ANKS6: variants seen among roughly 807,000 people sequenced by gnomAD.
ANKS6 encodes ankyrin repeat and SAM domain-containing protein 6.
ANKS6 carries 47 observed loss-of-function variants against 77.9 expected under a neutral mutation model. That is an observed-to-expected ratio of 0.60 (90% CI 0.48 to 0.77). The LOEUF (loss-of-function observed/expected upper bound fraction) is 0.77. ANKS6 is among the 30% of genes least tolerant of loss of function. ANKS6 has a pLI of 0.00. For synonymous variants in ANKS6, 488 were observed against 501.7 expected, an observed-to-expected ratio of 0.97 and a Z score of 0.37; for missense variants, 1,150 against 1,159.1, an observed-to-expected ratio of 0.99 and a Z score of 0.11.
chr9:98,747,872 G>A (rs1171520242), intron 13 of ANKS6, among the ~76,000 whole-genome samples: 1 of 152,138 alleles, frequency 6.6e-6, no homozygotes, highest in Admixed American at 6.5e-5. Context: ...CATTGTCCAG[G>A]CCCTGACTGG....
chr9:98,784,841 A>G lies in ANKS6; in HGVS notation c.898T>C (p.Leu300=). The G allele has an allele frequency of 6.2e-7, 1 of 1,613,274 alleles. No homozygotes were observed. The highest frequency in any genetic ancestry group is 1.7e-5 in the Admixed American group (1 of 59,852). ...TTTCTAAAGCGCTTACCCATTTTCAATGCATGGAAAATATCAGGTCGCCTT... is the reference window on the plus strand; with the variant it reads ...TTTCTAAAGCGCTTACCCATTTTCAGTGCATGGAAAATATCAGGTCGCCTT... ...EKRRPDIFHA[L]KMGNFQLVKE... The change falls in exon 3 of 15, where the codon TTG becomes CTG. Residue 300 remains leucine (L), a synonymous_variant. Coordinates refer to ENST00000353234, the MANE Select transcript of ANKS6 (RefSeq NM_173551.5).
In ANKS6 at chr9:98,783,803, CTT is replaced by C. The variant is rs10711864; in HGVS notation, c.1112+148_1112+149del. On this transcript the variant is annotated intron_variant, in intron 4 of 14. Transcript: ENST00000353234. ...GTGGGACTAAAATGAGCCTGTGCCG[CTT>C]TTTTTTTTTTTTTCCATGCCTCAAT... is the stretch of plus-strand genomic sequence containing the variant. The C allele has an allele frequency of 0.19, 77,389 of 405,210 alleles. 33 individuals carry two copies. Among genetic ancestry groups the C allele is most frequent in the Middle Eastern group, 0.25 (349 of 1,400 alleles). The allele number at this position is 405,210 out of a possible 1,614,324, so 25.1% of individuals were successfully genotyped here. A position where few individuals can be genotyped will look rare whatever the true frequency, so the allele number is the denominator to read the frequency against.
chr9:98,781,115 G>A (rs1294051725), intron 5 of ANKS6, among the ~76,000 whole-genome samples: 1 of 152,134 alleles, frequency 6.6e-6, no homozygotes, highest in African/African-American at 2.4e-5. Context: ...GGCCAGGCTG[G>A]TCTCGAACCC....
At chr9:98,772,702 T>C (rs930332952) in intron 9 of ANKS6, among the ~76,000 whole-genome samples, 3 of 152,166 alleles carry the variant, frequency 2.0e-5, no homozygotes, top group Non-Finnish European at 4.4e-5. Context: ...GCAAAGGCCA[T>C]AGCTCACGTT....
Position 98,777,429 on chromosome 9 carries a change from C to A in ANKS6, c.1593G>T (p.Lys531Asn). Residue 531 changes from lysine to asparagine, a missense_variant, in exon 8 of 15, where the codon AAG (lysine) becomes AAT (asparagine). Coordinates refer to ENST00000353234, the MANE Select transcript of ANKS6 (RefSeq NM_173551.5). The stretch of plus-strand genomic sequence containing the variant: ...CCATGGTTGTCAATAACGTGTCTTC[C>A]TTTTCTCCTCTTGTGCTCCCAGGAC... ...DNGPGSTRGE[K>N]EDTLLTTMLR... 6.2e-7 allele frequency: 1 copy of A among 1,614,162 alleles called. No homozygotes were observed. The highest frequency in any genetic ancestry group is 8.5e-7 in the Non-Finnish European group (1 of 1,180,034).
At chr9:98,751,854 A>T (rs1832444317) in intron 12 of ANKS6, among the ~76,000 whole-genome samples, 1 of 152,164 alleles carries the variant, frequency 6.6e-6, no homozygotes, top group Non-Finnish European at 1.5e-5. Flanking sequence ...GCCAAGGATG[A>T]AGGATCACTT....
chr9:98,784,593 G>C (rs961210634), intron 3 of ANKS6: 18 of 508,264 alleles, frequency 3.5e-5, no homozygotes, highest in African/African-American at 2.5e-4. Context: ...TGCAGGAAGA[G>C]CTAGGGCATA....
At chr9:98,784,302 G>A (rs909879342) in intron 3 of ANKS6, 145 bp from the exon 4 acceptor site, 58 of 653,170 alleles carry the variant, frequency 8.9e-5, no homozygotes, top group African/African-American at 1.9e-4. Context: ...CTAAGAGGGC[G>A]TCAGAGATAG....
Position 98,778,238 on chromosome 9 carries a change from T to G in ANKS6, c.1555A>C (p.Thr519Pro), listed in dbSNP as rs1588394802. 7 of 1,614,112 alleles carry G rather than the reference T, an allele frequency of 4.3e-6. 1 individual carries two copies. In the South Asian group the frequency reaches 7.7e-5, roughly 18 times the overall value. The change falls in exon 7 of 15, where the codon ACC (threonine) becomes CCC (proline). Residue 519 changes from threonine to proline, a missense_variant. By Grantham distance (38) the Thr-to-Pro change is conservative (BLOSUM62 -1). Coordinates refer to ENST00000353234, the MANE Select transcript of ANKS6 (RefSeq NM_173551.5). ...RSALPDAAPVTKDNGPGSTRG... is the reference protein window; with the variant it reads ...RSALPDAAPVPKDNGPGSTRG... ...AGACTTTTCTCACCATTGTCTTTGG[T>G]CACAGGGGCCGCATCAGGGAGTGCA...
Position 98,734,865 on chromosome 9 carries a change from CTT to C in ANKS6, c.*1652_*1653del, listed in dbSNP as rs369075843. 3.0e-6 allele frequency: 3 copies of C among 985,462 alleles called. No individual in the cohort carries two copies. The highest frequency in any genetic ancestry group is 1.1e-4 in the East Asian group (1 of 8,818). The allele number at this position is 985,462 out of a possible 1,614,324, so 61.0% of individuals were successfully genotyped here. On this transcript the variant is annotated 3_prime_UTR_variant, in exon 15 of 15. Transcript: ENST00000353234. ...CTATCAGTAACAGCTAAATGAAACA[CTT>C]TGTCTTCAGTCCTGTGGAAAGTTGG...
intron 12 of ANKS6, among the ~76,000 whole-genome samples, chr9:98,755,637 CA>C (rs1478598481): frequency 1.3e-5 from 2 of 152,174 alleles, no homozygotes; most frequent in Admixed American, 6.5e-5. Context: ...ACAGTATTTC[CA>C]AATTTTCCTT....
Position 98,767,838 on chromosome 9 carries a change from G to C in ANKS6, c.2142+243C>G, listed in dbSNP as rs572013594. ...TGACCTGTGGGACTGCAGGAAGTGG[G>C]TGTGTACCCTGCCACTGTGCAGCAG... On this transcript the variant is annotated intron_variant, in intron 11 of 14. Transcript: ENST00000353234. Among the ~76,000 whole-genome samples the C allele has an allele frequency of 9.8e-5, 15 of 152,348 alleles. No individual in the cohort carries two copies. The East Asian group carries it at 2.7e-3, about 27-fold the overall frequency.
intron 14 of ANKS6, among the ~76,000 whole-genome samples, chr9:98,737,316 C>T (rs928225735): frequency 6.6e-6 from 1 of 152,070 alleles, no homozygotes; most frequent in African/African-American, 2.4e-5. Flanking sequence ...TGATCGTTTA[C>T]CTAGAAAACC....
At chr9:98,762,350 T>A (rs1564195099) in intron 11 of ANKS6, among the ~76,000 whole-genome samples, 1 of 151,906 alleles carries the variant, frequency 6.6e-6, no homozygotes, top group African/African-American at 2.4e-5. Flanking sequence ...GTTTTCTATG[T>A]GGACAGTCAT....
intron 8 of ANKS6, among the ~76,000 whole-genome samples, chr9:98,774,655 C>A (rs904161817): frequency 1.1e-4 from 16 of 152,180 alleles, no homozygotes; most frequent in Non-Finnish European, 1.9e-4. Flanking sequence ...TCTTCCCCAG[C>A]CCCCCACATC....
At chr9:98,766,942 C>T (rs948987675) in intron 11 of ANKS6, among the ~76,000 whole-genome samples, 3 of 152,082 alleles carry the variant, frequency 2.0e-5, no homozygotes, top group African/African-American at 7.2e-5. Flanking sequence ...ACATAGAGTC[C>T]CCTCAGAGGA....
In ANKS6 at chr9:98,734,582, T is replaced by G; in HGVS notation, c.*1937A>C. The G allele has an allele frequency of 4.1e-6, 4 of 985,372 alleles. No homozygotes were observed. Among genetic ancestry groups the G allele is most frequent in the Non-Finnish European group, 4.8e-6 (4 of 829,902 alleles). 61.0% of individuals were successfully genotyped at this position (985,372 alleles called of 1,614,324 possible). On this transcript the variant is annotated 3_prime_UTR_variant, in exon 15 of 15. Transcript: ENST00000353234. ...AGCTCCAGGAGTCTATAGGAGTTAGTGGAAAAGGCACAGGCTTGCAAGCCC... is the reference window on the plus strand; with the variant it reads ...AGCTCCAGGAGTCTATAGGAGTTAGGGGAAAAGGCACAGGCTTGCAAGCCC...
intron 13 of ANKS6, chr9:98,746,043 C>T (rs979438409): frequency 2.6e-5 from 6 of 229,188 alleles, no homozygotes; most frequent in East Asian, 1.1e-4. Context: ...ACTGTACAAA[C>T]GTATGGCAGT....
At chr9:98,771,142 A>G in intron 9 of ANKS6, 96 bp from the exon 10 acceptor site, 2 of 1,313,390 alleles carry the variant, frequency 1.5e-6, no homozygotes, top group South Asian at 4.6e-5. Flanking sequence ...CAGCTGGTGC[A>G]TACCCCACCA....
Sources: gnomAD v4.1 joint callset for allele counts (sites outside exome capture counted in the v4.1 genomes callset) on GRCh38, gnomAD v4.1.1 for gene constraint, MANE v1.5 for transcripts, NCBI Gene and HGNC (gene_info 2026-07-23, HGNC 2026-07-21) for gene names.